Variants in LITAF observed in about 807,000 individuals in gnomAD.
The protein encoded by LITAF is lipopolysaccharide induced TNF factor, also known as lipopolysaccharide-induced tumor necrosis factor-alpha factor.
LITAF carries 9 observed loss-of-function variants against 14.5 expected under a neutral mutation model. That is an observed-to-expected ratio of 0.62 (90% CI 0.37 to 1.08). The LOEUF is 1.08. Ranked by LOEUF, LITAF falls within the 50% of genes least tolerant of loss-of-function variation. The pLI is 0.01. For missense variants in LITAF, 206 were observed against 213.4 expected (o/e 0.97, Z 0.22); for synonymous variants, 98 against 88.2 (o/e 1.11, Z -0.62).
In LITAF at chr16:11,549,340, G is replaced by A. The variant is rs755163608; in HGVS notation, c.*297C>T. The A allele has an allele frequency of 5.7e-5, 27 of 476,268 alleles. No individual in the cohort carries two copies. The highest frequency in any genetic ancestry group is 9.3e-5 in the South Asian group (6 of 64,674). 29.5% of individuals were successfully genotyped at this position (476,268 alleles called of 1,614,324 possible). On this transcript the variant is annotated 3_prime_UTR_variant, in exon 4 of 4. Coordinates refer to ENST00000622633, the MANE Select transcript of LITAF (RefSeq NM_001136472.2). This position sits in a 1 kb window ranked among gnomAD's most constrained non-coding sequence, Gnocchi z 4.6. ...GATGGCAGATCACAGGAAGATATTC[G>A]GATAGGGCAATGATCACAGTTAGAT... is the stretch of plus-strand genomic sequence containing the variant.
At chr16:11,625,712 C>A (rs2065079442) in intron 3 of LITAF, among the ~76,000 whole-genome samples, 1 of 152,168 alleles carries the variant, frequency 6.6e-6, no homozygotes, top group South Asian at 2.1e-4. Context: ...AAGAGATCAA[C>A]CTTCCCTTTT....
At chr16:11,589,619 C>CTTTTTT (rs60950577), upstream of LITAF, among the ~76,000 whole-genome samples, 5 of 103,918 alleles carry the variant, frequency 4.8e-5, no homozygotes, top group East Asian at 2.9e-4. Context: ...AAATCAGTTG[C>CTTTTTT]TTTTTTTTTT....
At chr16:11,600,346 C>A (rs547773207), upstream of LITAF, among the ~76,000 whole-genome samples, 4 of 152,198 alleles carry the variant, frequency 2.6e-5, no homozygotes, top group African/African-American at 9.7e-5. This position sits in a 1 kb window ranked among gnomAD's most constrained non-coding sequence, Gnocchi z 4.1. Context: ...CTAGAGGGTC[C>A]CTGCTGGGAG....
In LITAF at chr16:11,632,787, C is replaced by G. The variant is rs1240454107; in HGVS notation, c.85+746G>C. On this transcript the variant is annotated intron_variant, in intron 3 of 3. Coordinates refer to the LITAF transcript ENST00000574848. The surrounding 1 kb of genome is among the most constrained non-coding windows in gnomAD (Gnocchi z 4.8). ...ATGACTATGTGGTGCCCTCAGCCCC[C>G]GCACGGGTCAGAGTTTTCCGTGTGC... Among the ~76,000 whole-genome samples, 1 of 152,196 alleles carries G rather than the reference C, an allele frequency of 6.6e-6. No homozygotes were observed. Among genetic ancestry groups the G allele is most frequent in the Non-Finnish European group, 1.5e-5 (1 of 68,020 alleles).
chr16:11,550,639 T>C (rs949478233), intron 3 of LITAF, among the ~76,000 whole-genome samples: 2 of 152,102 alleles, frequency 1.3e-5, no homozygotes, highest in African/African-American at 4.8e-5. Context: ...AGATAGTAGA[T>C]CTTTTAGTCT....
At chr16:11,636,313 G>C (rs1013425921) in exon 1 of LITAF, 1 of 152,232 alleles carries the variant, frequency 6.6e-6, no homozygotes, top group Non-Finnish European at 1.5e-5. Flanking sequence ...GAGCAGAAGT[G>C]TAATAGGCGA....
In LITAF at chr16:11,548,353, C is replaced by T. The variant is rs900243042; in HGVS notation, c.*1284G>A. The T allele has an allele frequency of 1.1e-5, 5 of 453,932 alleles. No homozygotes were observed. The highest frequency in any genetic ancestry group is 8.0e-5 in the African/African-American group (4 of 49,970). The allele number at this position is 453,932 out of a possible 1,614,324, so 28.1% of individuals were successfully genotyped here. A position where few individuals can be genotyped will look rare whatever the true frequency, so the allele number is the denominator to read the frequency against. ...AATCATGTCTTCTCATGTTTTACAA[C>T]AAGCTGTGTCTCTGAAAACTAAAAT... On this transcript the variant is annotated 3_prime_UTR_variant, in exon 4 of 4. Coordinates refer to ENST00000622633, the MANE Select transcript of LITAF (RefSeq NM_001136472.2).
At chr16:11,597,696 G>T (rs563504869) in intron 1 of LITAF, among the ~76,000 whole-genome samples, 22 of 152,212 alleles carry the variant, frequency 1.4e-4, no homozygotes, top group African/African-American at 5.3e-4. Flanking sequence ...TTCCAAAACA[G>T]TGTCCTACAG....
At chr16:11,637,634 C>G (rs896890349), upstream of LITAF, among the ~76,000 whole-genome samples, 1 of 152,144 alleles carries the variant, frequency 6.6e-6, no homozygotes, top group African/African-American at 2.4e-5. Flanking sequence ...CGGCTCACGC[C>G]TATATTCCCA....
intron 1 of LITAF, among the ~76,000 whole-genome samples, chr16:11,570,206 C>T (rs559413387): frequency 9.9e-5 from 15 of 152,252 alleles, no homozygotes; most frequent in African/African-American, 1.9e-4. Context: ...AATGGGCCAA[C>T]AGTAGTACTT....
chr16:11,602,882 G>A (rs1391920584), upstream of LITAF, among the ~76,000 whole-genome samples: 1 of 152,038 alleles, frequency 6.6e-6, no homozygotes, highest in Non-Finnish European at 1.5e-5. Context: ...AGGCCGAGGT[G>A]GGAGGATTGC....
chr16:11,625,898 C>T (rs74563377), intron 3 of LITAF, among the ~76,000 whole-genome samples: 1,761 of 152,112 alleles, frequency 0.012, 31 homozygotes, highest in African/African-American at 0.038. Flanking sequence ...AATGGTCCTA[C>T]GAGGCAGAAA....
intron 3 of LITAF, among the ~76,000 whole-genome samples, chr16:11,621,916 T>G (rs965878803): frequency 1.3e-5 from 2 of 152,160 alleles, no homozygotes; most frequent in Non-Finnish European, 2.9e-5. Flanking sequence ...TTCTTCTGGG[T>G]GGGAAGGCAA....
At chr16:11,635,243 A>T (rs1229253022) in intron 2 of LITAF, among the ~76,000 whole-genome samples, 1 of 152,188 alleles carries the variant, frequency 6.6e-6, no homozygotes, top group Non-Finnish European at 1.5e-5. Context: ...TTCAGAGCAT[A>T]AAGACAGATG....
intron 1 of LITAF, among the ~76,000 whole-genome samples, chr16:11,564,071 T>G (rs2064414616): frequency 1.3e-5 from 2 of 151,974 alleles, no homozygotes; most frequent in African/African-American, 4.8e-5. Context: ...TAAACCCAGC[T>G]AATTTTTTTG....
At chr16:11,638,898 T>G (rs1694276961), upstream of LITAF, among the ~76,000 whole-genome samples, 1 of 151,944 alleles carries the variant, frequency 6.6e-6, no homozygotes, top group Non-Finnish European at 1.5e-5. Flanking sequence ...TTTTTTTTTT[T>G]GCATTGAAAA....
At chr16:11,607,183 C>T (rs1350335074) in intron 3 of LITAF, among the ~76,000 whole-genome samples, 1 of 152,312 alleles carries the variant, frequency 6.6e-6, no homozygotes, top group African/African-American at 2.4e-5. Context: ...AAAACCCCCA[C>T]TCTCAGGGCA....
At chr16:11,623,618 A>G (rs9936477) in intron 3 of LITAF, among the ~76,000 whole-genome samples, 10 of 151,398 alleles carry the variant, frequency 6.6e-5, no homozygotes, top group Non-Finnish European at 1.3e-4. Context: ...TGAGATCACA[A>G]CCTTGCACTC....
intron 1 of LITAF, among the ~76,000 whole-genome samples, chr16:11,562,841 A>G (rs2064390290): frequency 6.6e-6 from 1 of 151,942 alleles, no homozygotes; most frequent in African/African-American, 2.4e-5. Flanking sequence ...AGACTGCAAT[A>G]AGCTAGGATC....
Sources: gnomAD v4.1 joint callset for allele counts (sites outside exome capture counted in the v4.1 genomes callset) on GRCh38, gnomAD v4.1.1 for gene constraint, Gnocchi (gnomAD v3.1) non-coding constraint, MANE v1.5 for transcripts, NCBI Gene and HGNC (gene_info 2026-07-23, HGNC 2026-07-21) for gene names.